The following DMD variants were observed in gnomAD, a reference collection of about 807,000 sequenced individuals.
DMD encodes the protein mutant dystrophin.
DMD carries 63 observed loss-of-function variants against 330.1 expected under a neutral mutation model. The observed-to-expected ratio is 0.19, with a 90% confidence interval of 0.16 to 0.24. DMD has a LOEUF of 0.24. Among genes scored for constraint, DMD ranks in the 10% least tolerant of loss-of-function variants. The probability of loss-of-function intolerance (pLI) is 1.00; values close to 1 mark genes in which losing one functional copy is unlikely to be tolerated. For synonymous variants in DMD, 1,223 were observed against 959.8 expected (o/e 1.27, Z -5.07); for missense variants, 3,344 against 2,684.1 (o/e 1.25, Z -5.43).
Position 31,719,748 on chromosome X carries a change from G to A in DMD, c.7660+9883C>T, listed in dbSNP as rs186004290. ...AAACTCAGGGCAAAACTCATAGGTTGCTTGTCCTGGGGTAAGCCAGCCACC... is the reference window on the plus strand; with the variant it reads ...AAACTCAGGGCAAAACTCATAGGTTACTTGTCCTGGGGTAAGCCAGCCACC... On this transcript the variant is annotated intron_variant, in intron 52 of 78. Transcript: ENST00000357033. Among the ~76,000 whole-genome samples the A allele has an allele frequency of 5.4e-5, 6 of 111,408 alleles. No individual in the cohort carries two copies. The Admixed American group carries it at 5.8e-4, about 11-fold the overall frequency.
chrX:32,287,399 C>A, intron 43 of DMD, 130 bp downstream of exon 43: 1 of 586,826 alleles, frequency 1.7e-6, no homozygotes, highest in South Asian at 2.9e-5. Flanking sequence ...ATTTTACTTA[C>A]CATTTTTCAA....
At chrX:31,427,444 G>A (rs2054148627) in intron 60 of DMD, among the ~76,000 whole-genome samples, 1 of 111,756 alleles carries the variant, frequency 8.9e-6, no homozygotes, top group South Asian at 3.7e-4. Flanking sequence ...CATCTTTGAA[G>A]GGAGCCTGTG....
At chrX:32,503,636 A>AC (rs1035951740) in intron 18 of DMD, among the ~76,000 whole-genome samples, 4 of 110,846 alleles carry the variant, frequency 3.6e-5, no homozygotes, top group Non-Finnish European at 7.6e-5. Context: ...GCTCACTGCA[A>AC]CCTCTGCCTC....
intron 51 of DMD, among the ~76,000 whole-genome samples, chrX:31,739,649 A>G (rs1354881785): frequency 9.1e-6 from 1 of 109,560 alleles, no homozygotes; most frequent in Non-Finnish European, 1.9e-5. Context: ...TAGGACAAAT[A>G]CCTAATGCAT....
intron 4 of DMD, among the ~76,000 whole-genome samples, chrX:32,823,783 A>G (rs2078474559): frequency 9.0e-6 from 1 of 111,709 alleles, no homozygotes; most frequent in African/African-American, 3.3e-5. Flanking sequence ...ATTTTAGTAA[A>G]ACGCCTCTGT....
intron 29 of DMD, among the ~76,000 whole-genome samples, chrX:32,427,266 T>G (rs777938196): frequency 1.8e-5 from 2 of 111,415 alleles, no homozygotes; most frequent in South Asian, 7.5e-4. Flanking sequence ...GTTGGGTAGC[T>G]TTGATAGGAG....
At chrX:32,207,981 T>C (rs2097077743) in intron 44 of DMD, among the ~76,000 whole-genome samples, 1 of 112,035 alleles carries the variant, frequency 8.9e-6, no homozygotes. Flanking sequence ...GATTTTCAAA[T>C]AAATCCATGT....
At chrX:32,577,115 G>T (rs1004754551) in intron 13 of DMD, among the ~76,000 whole-genome samples, 3 of 111,498 alleles carry the variant, frequency 2.7e-5, no homozygotes, top group African/African-American at 9.8e-5. Flanking sequence ...GTCTATTAGG[G>T]TTACTCTAGT....
intron 63 of DMD, among the ~76,000 whole-genome samples, chrX:31,245,494 A>G (rs2048740392): frequency 8.9e-6 from 1 of 111,820 alleles, no homozygotes; most frequent in African/African-American, 3.3e-5. Flanking sequence ...GGCTCATCTC[A>G]TTAAATTGCA....
intron 2 of DMD, among the ~76,000 whole-genome samples, chrX:32,985,461 T>G (rs185240626): frequency 1.8e-5 from 2 of 111,833 alleles, no homozygotes; most frequent in Admixed American, 1.9e-4. Flanking sequence ...ATTATTTTAT[T>G]TTATTTTACA....
intron 25 of DMD, among the ~76,000 whole-genome samples, chrX:32,456,578 TTGTGTG>T (rs60876331): frequency 0.018 from 1,642 of 89,159 alleles, 15 homozygotes; most frequent in East Asian, 0.069. Context: ...CATACATACT[TTGTGTG>T]TGTGTGTGTG....
Position 31,929,633 on chromosome X carries a change from T to C in DMD, c.6875A>G (p.Glu2292Gly), listed in dbSNP as rs770051396. Reference sequence around the variant, plus strand: ...GAGATTTGTCTGCTTGAGCTTATTTTCAAGTTTATCTTGCTCTTCTGGGCT... The same window carrying C: ...GAGATTTGTCTGCTTGAGCTTATTTCCAAGTTTATCTTGCTCTTCTGGGCT... ...PISPEEQDKL[E>G]NKLKQTNLQW... Residue 2292 changes from glutamate to glycine, a missense_variant, in exon 47 of 79, where the codon GAA (glutamate) becomes GGA (glycine). By Grantham distance (98) the Glu-to-Gly change is moderately conservative. Coordinates refer to ENST00000357033, the MANE Select transcript of DMD (RefSeq NM_004006.3). The C allele has an allele frequency of 1.7e-6, 2 of 1,211,389 alleles. No homozygotes were observed. The highest frequency in any genetic ancestry group is 1.7e-5 in the African/African-American group (1 of 57,760).
chrX:31,489,021 T>C (rs1283939901), intron 57 of DMD, among the ~76,000 whole-genome samples: 4 of 112,336 alleles, frequency 3.6e-5, no homozygotes. Context: ...ACAGCTCATC[T>C]TGCTATTTCT....
intron 51 of DMD, among the ~76,000 whole-genome samples, chrX:31,759,031 G>A (rs1206847088): frequency 9.0e-6 from 1 of 111,716 alleles, no homozygotes; most frequent in Non-Finnish European, 1.9e-5. Flanking sequence ...AACTGTAATA[G>A]AATAGATCCT....
At chrX:32,461,042 T>G (rs1442354296) in intron 25 of DMD, among the ~76,000 whole-genome samples, 1 of 111,846 alleles carries the variant, frequency 8.9e-6, no homozygotes, top group African/African-American at 3.2e-5. Context: ...ATAACCATTT[T>G]ATATACCCAA....
At chrX:32,383,836 T>A (rs150102688) in intron 33 of DMD, among the ~76,000 whole-genome samples, 2,788 of 109,759 alleles carry the variant, frequency 0.025, 39 homozygotes, top group Non-Finnish European at 0.038. Context: ...TAATGTCACT[T>A]TCATTGCTTT....
chrX:31,380,627 T>A (rs1451431071), intron 60 of DMD, among the ~76,000 whole-genome samples: 1 of 111,558 alleles, frequency 9.0e-6, no homozygotes, highest in African/African-American at 3.3e-5. Flanking sequence ...GGTTTACAGG[T>A]TAGTTCAGGA....
intron 16 of DMD, among the ~76,000 whole-genome samples, chrX:32,555,404 C>T (rs1334695660): frequency 9.0e-6 from 1 of 111,607 alleles, no homozygotes; most frequent in Non-Finnish European, 1.9e-5. Context: ...CATCTCTCAC[C>T]ACTCCTTTTC....
At position 33,051,646 on chromosome X, in the gene DMD, A is replaced by ATTTTTTTTTTTTTTTTT. The variant is rs754035822; in HGVS notation, c.32-31463_32-31447dup. On this transcript the variant is annotated intron_variant, in intron 1 of 78. Transcript: ENST00000357033. ...TAAGGAAAATATATAATTACGCTCT[A>ATTTTTTTTTTTTTTTTT]TTTTTTTTTTTTTTTTTTTGAGACG... Among the ~76,000 whole-genome samples the ATTTTTTTTTTTTTTTTT allele has an allele frequency of 3.7e-3, 268 of 71,906 alleles. 32 individuals are homozygous for ATTTTTTTTTTTTTTTTT. The highest frequency in any genetic ancestry group is 0.016 in the African/African-American group (252 of 15,357). 62.4% of individuals were successfully genotyped at this position (71,906 alleles called of 115,157 possible). A position where few individuals can be genotyped will look rare whatever the true frequency, so the allele number is the denominator to read the frequency against.
Sources: gnomAD v4.1 joint callset for allele counts (sites outside exome capture counted in the v4.1 genomes callset) on GRCh38, gnomAD v4.1.1 for gene constraint, MANE v1.5 for transcripts, NCBI Gene and HGNC (gene_info 2026-07-23, HGNC 2026-07-21) for gene names.